The following DCAF6 variants were observed in gnomAD, a reference collection of about 807,000 sequenced individuals.
The protein encoded by DCAF6 is DDB1 and CUL4 associated factor 6.
In DCAF6, 54 loss-of-function variants were observed where a neutral mutation model predicts 125.1. The ratio of observed to expected loss-of-function variants is 0.43; its 90% CI spans 0.35 to 0.54. The LOEUF (loss-of-function observed/expected upper bound fraction) is 0.54, where lower values mean the gene tolerates loss of function less well. Ranked by LOEUF, DCAF6 falls within the 20% of genes least tolerant of loss-of-function variation. The probability of loss-of-function intolerance (pLI) is 0.01; values close to 1 mark genes in which losing one functional copy is unlikely to be tolerated. For synonymous variants in DCAF6, 371 were observed against 390.4 expected (o/e 0.95, Z 0.58); for missense variants, 934 against 1,161.7 (o/e 0.80, Z 2.85).
At chr1:168,065,783 T>C (rs1183149671) in intron 19 of DCAF6, 37 bp downstream of exon 19, 2 of 1,570,690 alleles carry the variant, frequency 1.3e-6, no homozygotes, top group South Asian at 1.1e-5. Context: ...CTAGAAATTA[T>C]TTGTATGACT....
At chr1:167,979,514 A>G (rs1238540364) in intron 4 of DCAF6, among the ~76,000 whole-genome samples, 2 of 152,186 alleles carry the variant, frequency 1.3e-5, no homozygotes, top group African/African-American at 4.8e-5. Flanking sequence ...GCATGATCAT[A>G]TTGTAGCATA....
chr1:168,061,435 C>T (rs960613605), intron 17 of DCAF6, among the ~76,000 whole-genome samples: 2 of 152,080 alleles, frequency 1.3e-5, no homozygotes, highest in Admixed American at 6.5e-5. Flanking sequence ...CAAACCCTTT[C>T]TATGCATATA....
chr1:167,959,847 A>G (rs1441963561), intron 2 of DCAF6, among the ~76,000 whole-genome samples: 2 of 151,914 alleles, frequency 1.3e-5, no homozygotes, highest in Non-Finnish European at 2.9e-5. Flanking sequence ...TGCAGGGTGG[A>G]AGTTTTTAAT....
At chr1:167,959,672 A>G (rs1478283256) in intron 2 of DCAF6, among the ~76,000 whole-genome samples, 1 of 152,210 alleles carries the variant, frequency 6.6e-6, no homozygotes, top group Non-Finnish European at 1.5e-5. Flanking sequence ...CAATCTGTGT[A>G]TCTTTGCTGA....
At chr1:167,962,969 C>G (rs1396299181) in intron 2 of DCAF6, among the ~76,000 whole-genome samples, 1 of 151,392 alleles carries the variant, frequency 6.6e-6, no homozygotes, top group African/African-American at 2.4e-5. Context: ...AACAAACAAA[C>G]AAAAATGTTG....
chr1:167,870,204 A>T, the DCAF6 span: 1 of 1,606,270 alleles, frequency 6.2e-7, no homozygotes, highest in Non-Finnish European at 8.5e-7. Context: ...GGAGCATCAA[A>T]ATAAATCAGG....
At chr1:167,990,507 G>A (rs1016805391) in intron 5 of DCAF6, among the ~76,000 whole-genome samples, 1 of 152,146 alleles carries the variant, frequency 6.6e-6, no homozygotes, top group Non-Finnish European at 1.5e-5. Flanking sequence ...TAATGACTTA[G>A]TGATACATTA....
chr1:167,925,442 C>CATATATATATATATATATATATATAT, the DCAF6 span, among the ~76,000 whole-genome samples: 5 of 82,468 alleles, frequency 6.1e-5, no homozygotes, highest in South Asian at 4.0e-4. Context: ...TACATATACA[C>CATATATATATATATATATATATATAT]ATATATATAT....
intron 12 of DCAF6, among the ~76,000 whole-genome samples, 170 bp from the exon 13 acceptor site, chr1:168,038,201 A>G (rs1688082919): frequency 6.6e-6 from 1 of 152,118 alleles, no homozygotes; most frequent in Non-Finnish European, 1.5e-5. Context: ...TTTGAAATAT[A>G]AAAGAGTATT....
upstream of DCAF6, among the ~76,000 whole-genome samples, chr1:167,934,625 C>CTGG (rs1671012358): frequency 1.3e-5 from 2 of 152,208 alleles, no homozygotes; most frequent in South Asian, 4.2e-4. Context: ...ATTTAGTAAC[C>CTGG]AGTTCAGACT....
rs572777342 is a variant in DCAF6 at position 167,945,779 on chromosome 1, C to G, written c.98-6021C>G. Among the ~76,000 whole-genome samples, 7 of 150,298 alleles carry G rather than the reference C, an allele frequency of 4.7e-5. No individual in the cohort carries two copies. In the South Asian group the frequency reaches 1.5e-3, roughly 31 times the overall value. The stretch of plus-strand genomic sequence containing the variant: ...CCTCCCAAAGTGCTGGGATTACAGG[C>G]GTGAGCCACCACACCCGGCCTTTTT... On this transcript the variant is annotated intron_variant, in intron 1 of 21. Coordinates refer to ENST00000367840, the MANE Select transcript of DCAF6 (RefSeq NM_001198956.2).
chr1:167,930,236 T>C, the DCAF6 span, among the ~76,000 whole-genome samples: 2 of 152,210 alleles, frequency 1.3e-5, no homozygotes, highest in Admixed American at 6.5e-5. Flanking sequence ...AAATACACTT[T>C]GGTTTGAAAT....
intron 12 of DCAF6, among the ~76,000 whole-genome samples, chr1:168,026,695 G>C (rs1281500022): frequency 6.6e-6 from 1 of 152,202 alleles, no homozygotes; most frequent in East Asian, 1.9e-4. Context: ...GATTTGAGGG[G>C]AGAAGAAAGT....
chr1:167,886,000 G>C, the DCAF6 span, among the ~76,000 whole-genome samples: 1 of 152,174 alleles, frequency 6.6e-6, no homozygotes, highest in Admixed American at 6.5e-5. Flanking sequence ...GGGATGTGAA[G>C]GACCTCTTCA....
At chr1:167,957,218 C>T (rs1229803624) in intron 2 of DCAF6, among the ~76,000 whole-genome samples, 1 of 151,948 alleles carries the variant, frequency 6.6e-6, no homozygotes, top group African/African-American at 2.4e-5. Flanking sequence ...TATTTAATTC[C>T]TCTAATTTTA....
chr1:167,866,898 G>A, the DCAF6 span, among the ~76,000 whole-genome samples: 1 of 152,148 alleles, frequency 6.6e-6, no homozygotes, highest in East Asian at 1.9e-4. Context: ...CCATATCTAA[G>A]GGCCCTGGCA....
chr1:167,940,668 A>G (rs1012477531), intron 1 of DCAF6, among the ~76,000 whole-genome samples: 1 of 152,152 alleles, frequency 6.6e-6, no homozygotes, highest in Admixed American at 6.5e-5. Context: ...CCATATATAT[A>G]CGGTTTTGTA....
At chr1:167,998,734 C>A (rs1682142494) in intron 7 of DCAF6, 1 of 153,294 alleles carries the variant, frequency 6.5e-6, no homozygotes, top group Non-Finnish European at 1.5e-5. Flanking sequence ...GGAGCAACTC[C>A]TTATCTGTTA....
chr1:167,982,403 A>G (rs1372324965), intron 4 of DCAF6, among the ~76,000 whole-genome samples: 2 of 151,950 alleles, frequency 1.3e-5, no homozygotes, highest in African/African-American at 4.8e-5. Flanking sequence ...AACCACGCCC[A>G]GCTAATATTT....
Sources: gnomAD v4.1 joint callset for allele counts (sites outside exome capture counted in the v4.1 genomes callset) on GRCh38, gnomAD v4.1.1 for gene constraint, MANE v1.5 for transcripts, NCBI Gene and HGNC (gene_info 2026-07-23, HGNC 2026-07-21) for gene names.